The following BIRC6 variants were observed in gnomAD, a reference collection of about 807,000 sequenced individuals.
BIRC6 encodes baculoviral IAP repeat containing 6, also known as dual E2 ubiquitin-conjugating enzyme/E3 ubiquitin-protein ligase BIRC6.
A neutral mutation model predicts 503.3 loss-of-function variants in BIRC6; 98 were observed. The observed-to-expected ratio is 0.19, with a 90% CI of 0.17 to 0.23. BIRC6 has a LOEUF of 0.23. BIRC6 is among the 10% of genes least tolerant of loss of function. BIRC6 has a pLI of 1.00. For missense variants in BIRC6, 5,360 were observed against 5,806.0 expected, an observed-to-expected ratio of 0.92 and a Z score of 2.50; for synonymous variants, 2,240 against 2,078.7, an observed-to-expected ratio of 1.08 and a Z score of -2.11.
At chr2:32,529,305 T>G (rs1034614115) in intron 59 of BIRC6, 1 of 188,742 alleles carries the variant, frequency 5.3e-6, no homozygotes, top group African/African-American at 2.4e-5. Context: ...CAATGTAGAT[T>G]AGCAGTTGTA....
At chr2:32,577,374 G>GT (rs1161548845) in intron 66 of BIRC6, among the ~76,000 whole-genome samples, 1 of 152,030 alleles carries the variant, frequency 6.6e-6, no homozygotes, top group Admixed American at 6.6e-5. Context: ...AACCTTGAGT[G>GT]TTTTTTACCC....
At chr2:32,603,827 C>T (rs2062236287) in intron 71 of BIRC6, among the ~76,000 whole-genome samples, 1 of 151,394 alleles carries the variant, frequency 6.6e-6, no homozygotes, top group Admixed American at 6.6e-5. Flanking sequence ...AATCATGAGC[C>T]TACATTATGG....
intron 33 of BIRC6, 120 bp from the exon 34 acceptor site, chr2:32,476,093 A>T: frequency 2.8e-6 from 2 of 717,442 alleles, no homozygotes; most frequent in South Asian, 2.4e-5. Flanking sequence ...TTAAAATTAT[A>T]CTACATCTTT....
intron 61 of BIRC6, among the ~76,000 whole-genome samples, chr2:32,535,859 T>G (rs1174411059): frequency 1.3e-5 from 2 of 152,234 alleles, no homozygotes; most frequent in Non-Finnish European, 2.9e-5. Flanking sequence ...TTTCTAGTTC[T>G]AGATCCCTGA....
At chr2:32,432,926 G>C (rs2044300518) in intron 12 of BIRC6, among the ~76,000 whole-genome samples, 1 of 152,132 alleles carries the variant, frequency 6.6e-6, no homozygotes, top group Non-Finnish European at 1.5e-5. Context: ...GTTTTAGTTT[G>C]GTTGCTGTTG....
At chr2:32,537,138 A>G (rs537470208) in intron 61 of BIRC6, among the ~76,000 whole-genome samples, 42 of 152,264 alleles carry the variant, frequency 2.8e-4, no homozygotes, top group Admixed American at 9.8e-4. Flanking sequence ...GAAGTTGCCT[A>G]TCAGCTTAAG....
intron 9 of BIRC6, among the ~76,000 whole-genome samples, chr2:32,414,188 A>G (rs987573686): frequency 6.6e-6 from 1 of 152,102 alleles, no homozygotes; most frequent in Admixed American, 6.6e-5. Flanking sequence ...GAGGCAGGAG[A>G]ATTGCTTGAA....
intron 54 of BIRC6, 49 bp from the exon 55 acceptor site, chr2:32,514,941 C>T (rs1405423824): frequency 1.4e-6 from 2 of 1,404,328 alleles, no homozygotes; most frequent in South Asian, 1.3e-5. Flanking sequence ...GAAATAGTTT[C>T]TTCTAAAAAT....
chr2:32,389,771 A>C (rs1016065667), intron 4 of BIRC6, among the ~76,000 whole-genome samples: 1 of 152,166 alleles, frequency 6.6e-6, no homozygotes, highest in African/African-American at 2.4e-5. Context: ...ATCTTGGCTC[A>C]CTGCAACCTC....
At chr2:32,487,258 C>T (rs188668823) in intron 40 of BIRC6, among the ~76,000 whole-genome samples, 5 of 152,214 alleles carry the variant, frequency 3.3e-5, no homozygotes, top group Non-Finnish European at 1.5e-5. Context: ...AATCTATAGT[C>T]AAGGTTAAAG....
chr2:32,511,650 CAT>C (rs1190740265), intron 53 of BIRC6, among the ~76,000 whole-genome samples: 2 of 151,662 alleles, frequency 1.3e-5, no homozygotes, highest in Non-Finnish European at 2.9e-5. Flanking sequence ...AGTTTTGAAA[CAT>C]ATTTTTGTTG....
intron 69 of BIRC6, among the ~76,000 whole-genome samples, chr2:32,599,026 A>G (rs1338230211): frequency 1.8e-4 from 27 of 148,594 alleles, no homozygotes; most frequent in African/African-American, 6.7e-4. Flanking sequence ...CATCTCAAAA[A>G]AAAAAAAAAA....
intron 40 of BIRC6, among the ~76,000 whole-genome samples, chr2:32,486,981 A>C (rs1488279416): frequency 6.6e-6 from 1 of 152,090 alleles, no homozygotes; most frequent in African/African-American, 2.4e-5. Context: ...ACTTATTAGA[A>C]TATCTTTTCG....
In BIRC6 at chr2:32,500,003, A is replaced by T. The variant is rs775493253; in HGVS notation, c.8925A>T (p.Gly2975=). Residue 2975 remains glycine (G), a synonymous_variant, in exon 46 of 74, where the codon GGA becomes GGT. Coordinates refer to ENST00000421745, the MANE Select transcript of BIRC6 (RefSeq NM_016252.4). ...ATGGAAGCAGTACCAGTGTTCAAGG[A>T]TCGCCTGCATATGTTGCTGACTTAG... The part of the protein sequence containing the change: ...DGNGSSTSVQ[G]SPAYVADLVL... 6.2e-7 allele frequency: 1 copy of T among 1,614,010 alleles called. No homozygotes were observed.
intron 9 of BIRC6, among the ~76,000 whole-genome samples, chr2:32,412,199 C>T (rs1276602928): frequency 1.3e-5 from 2 of 151,860 alleles, no homozygotes; most frequent in East Asian, 3.9e-4. Flanking sequence ...TTAAAGAAGG[C>T]ACAATAGAAA....
Position 32,448,882 on chromosome 2 carries a change from C to T in BIRC6, c.4572C>T (p.Ser1524=). 6.2e-7 allele frequency: 1 copy of T among 1,613,488 alleles called. No individual in the cohort carries two copies. The highest frequency in any genetic ancestry group is 8.5e-7 in the Non-Finnish European group (1 of 1,179,586). ...GSSCKNVYNS[S]IGVQSDEIDL... ...CTTGTAAAAATGTTTATAACAGCAG[C>T]ATTGGTGTCCAGTCAGATGAAATTG... is the stretch of plus-strand genomic sequence containing the variant. The change falls in exon 22 of 74, where the codon AGC becomes AGT. Residue 1524 remains serine (S), a synonymous_variant. Transcript: ENST00000421745.
At chr2:32,553,542 C>G (rs1345092224) in intron 65 of BIRC6, among the ~76,000 whole-genome samples, 1 of 151,854 alleles carries the variant, frequency 6.6e-6, no homozygotes, top group Admixed American at 6.6e-5. Flanking sequence ...CACCCGCCAC[C>G]CACCCTGCTA....
At chr2:32,404,171 C>T (rs1039377683) in intron 8 of BIRC6, among the ~76,000 whole-genome samples, 1 of 151,160 alleles carries the variant, frequency 6.6e-6, no homozygotes, top group African/African-American at 2.4e-5. Flanking sequence ...CTCAGATGAT[C>T]CACCTGCCTT....
rs111459421 is a variant in BIRC6, at chr2:32,504,146, A to G, written c.9500-859A>G. Among the ~76,000 whole-genome samples, 755 of 145,762 alleles carry G rather than the reference A, an allele frequency of 5.2e-3. 5 individuals are homozygous for G. The highest frequency in any genetic ancestry group is 0.018 in the African/African-American group (712 of 39,426). On this transcript the variant is annotated intron_variant, in intron 49 of 73. Transcript: ENST00000421745. Reference sequence around the variant, plus strand: ...AACTCCTGGCCCCAAGTGATCCCCCACCTTGGCCTCCCAAAGTGTTAGGAT... The same window carrying G: ...AACTCCTGGCCCCAAGTGATCCCCCGCCTTGGCCTCCCAAAGTGTTAGGAT...
Sources: allele counts gnomAD v4.1 joint callset (sites outside exome capture counted in the v4.1 genomes callset), GRCh38; gene constraint gnomAD v4.1.1; transcripts MANE v1.5; gene names NCBI Gene and HGNC (gene_info 2026-07-23, HGNC 2026-07-21).